DCAF12: variants seen among roughly 807,000 people sequenced by gnomAD.
The protein encoded by DCAF12 is DDB1- and CUL4-associated factor 12.
In DCAF12, 28 loss-of-function variants were observed where a neutral mutation model predicts 52.8. The observed-to-expected ratio is 0.53, with a 90% CI of 0.39 to 0.73. The LOEUF is 0.73. DCAF12 is among the 30% of genes least tolerant of loss of function. The pLI, the probability that DCAF12 is intolerant of heterozygous loss-of-function variation, is 0.00. For synonymous variants in DCAF12, 196 were observed against 215.5 expected (o/e 0.91, Z 0.79); for missense variants, 425 against 552.2 (o/e 0.77, Z 2.31).
intron 7 of DCAF12, among the ~76,000 whole-genome samples, chr9:34,091,774 A>C (rs1251549413): frequency 6.6e-6 from 1 of 152,142 alleles, no homozygotes; most frequent in Non-Finnish European, 1.5e-5. Context: ...GACTCTCAGG[A>C]TAACACAGCC....
chr9:34,106,450 G>A lies in DCAF12; in HGVS notation c.585C>T (p.Asp195=). ...DWIFSIAWIS[D]TMAVSGSRDG... ...CAACTTTACCAGACACTGCCATAGT[G>A]TCGCTGATCCATGCGATGGAAAAGA... The change falls in exon 4 of 9, where the codon GAC becomes GAT. Residue 195 remains aspartate (D), a synonymous_variant. Coordinates refer to ENST00000361264, the MANE Select transcript of DCAF12 (RefSeq NM_015397.4). The A allele has an allele frequency of 1.2e-6, 2 of 1,609,876 alleles. No homozygotes were observed. Among genetic ancestry groups the A allele is most frequent in the Non-Finnish European group, 1.7e-6 (2 of 1,177,514 alleles).
In DCAF12 at chr9:34,086,817, A is replaced by G. The variant is rs1037817707; in HGVS notation, c.*1533T>C. 9 of 152,044 alleles carry G rather than the reference A, an allele frequency of 5.9e-5. No individual in the cohort carries two copies. The highest frequency in any genetic ancestry group is 1.3e-4 in the Non-Finnish European group (9 of 68,004). The allele number at this position is 152,044 out of a possible 1,614,324, so 9.4% of individuals were successfully genotyped here. Reference sequence around the variant, plus strand: ...GAATATATATATAATTTTTTTTCCAATTTCCCTTCTTACACCCAGAGAAGA... The same window carrying G: ...GAATATATATATAATTTTTTTTCCAGTTTCCCTTCTTACACCCAGAGAAGA... On this transcript the variant is annotated 3_prime_UTR_variant, in exon 9 of 9. Transcript: ENST00000361264.
intron 2 of DCAF12, among the ~76,000 whole-genome samples, chr9:34,110,956 T>C (rs1286277181): frequency 6.6e-6 from 1 of 151,640 alleles, no homozygotes; most frequent in Non-Finnish European, 1.5e-5. Flanking sequence ...CTGTTCACAA[T>C]GCCAGAAATG....
intron 2 of DCAF12, among the ~76,000 whole-genome samples, chr9:34,118,973 AAAT>A (rs143135409): frequency 7.2e-5 from 11 of 152,084 alleles, no homozygotes; most frequent in African/African-American, 2.7e-4. Flanking sequence ...TCAAAAAAGA[AAAT>A]AATAATAATA....
chr9:34,115,339 C>T (rs886804019), intron 2 of DCAF12, among the ~76,000 whole-genome samples: 8 of 151,628 alleles, frequency 5.3e-5, no homozygotes, highest in Non-Finnish European at 7.4e-5. Flanking sequence ...CACCTGTAAT[C>T]CCAGCACTTT....
intron 2 of DCAF12, among the ~76,000 whole-genome samples, chr9:34,117,868 C>T (rs1424879935): frequency 1.3e-5 from 2 of 152,046 alleles, no homozygotes. Flanking sequence ...GAGCCGAGAT[C>T]GCGCCATCAC....
At chr9:34,090,317 C>T (rs1467962457) in intron 7 of DCAF12, among the ~76,000 whole-genome samples, 3 of 151,838 alleles carry the variant, frequency 2.0e-5, no homozygotes, top group African/African-American at 7.3e-5. Flanking sequence ...ACCTTGGCCT[C>T]CCAAAGTGCT....
At position 34,125,091 on chromosome 9, in the gene DCAF12, G is replaced by A. The variant is rs189407152; in HGVS notation, c.265C>T (p.Leu89Phe). 3.1e-6 allele frequency: 5 copies of A among 1,614,048 alleles called. No individual in the cohort carries two copies. In the African/African-American group the frequency reaches 4.0e-5, roughly 13 times the overall value. ...CACTGAGATGCAAACACTTTATTAA[G>A]GGTCCCAAGGTGAAACTCTCTCTCC... The part of the protein sequence containing the change: ...LKEREFHLGT[L>F]NKVFASQWLN... The change falls in exon 2 of 9, where the codon CTT (leucine) becomes TTT (phenylalanine). Residue 89 changes from leucine to phenylalanine, a missense_variant. Physicochemically the swap from Leu to Phe is conservative, Grantham distance 22. Coordinates refer to ENST00000361264, the MANE Select transcript of DCAF12 (RefSeq NM_015397.4).
At chr9:34,124,644 C>T (rs1174278063) in intron 2 of DCAF12, among the ~76,000 whole-genome samples, 2 of 152,192 alleles carry the variant, frequency 1.3e-5, no homozygotes, top group Non-Finnish European at 2.9e-5. Flanking sequence ...CGTTCTTAGG[C>T]TGTTTTCACT....
intron 3 of DCAF12, 83 bp from the exon 4 acceptor site, chr9:34,106,577 C>T: frequency 1.8e-6 from 2 of 1,138,992 alleles, no homozygotes; most frequent in African/African-American, 1.5e-5. Flanking sequence ...TCTAAAGAAG[C>T]ATACAAGTCA....
intron 7 of DCAF12, among the ~76,000 whole-genome samples, chr9:34,092,877 C>T (rs751083476): frequency 2.6e-5 from 4 of 152,002 alleles, no homozygotes; most frequent in Non-Finnish European, 4.4e-5. Flanking sequence ...CAGAATTTCG[C>T]GCTCATTGCC....
At chr9:34,109,979 T>A in intron 2 of DCAF12, 1 of 150,860 alleles carries the variant, frequency 6.6e-6, no homozygotes, top group East Asian at 1.9e-4. Context: ...GATACATATA[T>A]AAATATTTAA....
At chr9:34,095,041 G>A (rs1828713455) in intron 6 of DCAF12, among the ~76,000 whole-genome samples, 1 of 151,906 alleles carries the variant, frequency 6.6e-6, no homozygotes, top group African/African-American at 2.4e-5. Context: ...TTTTCCATTT[G>A]TGGCATTGTG....
chr9:34,099,072 C>CTT (rs574114455), intron 4 of DCAF12, among the ~76,000 whole-genome samples: 16 of 116,372 alleles, frequency 1.4e-4, no homozygotes, highest in South Asian at 2.8e-4. Flanking sequence ...ACCTGGTCTG[C>CTT]TTTTTTTTTT....
rs1828594133 is a variant in DCAF12, at chr9:34,088,455, A to T, written c.1257T>A (p.Asn419Lys). 1 of 1,614,226 alleles carries T rather than the reference A, an allele frequency of 6.2e-7. No homozygotes were observed. The highest frequency in any genetic ancestry group is 2.2e-5 in the East Asian group (1 of 44,888). Residue 419 changes from asparagine (N) to lysine (K), a missense_variant, in exon 9 of 9, where the codon AAT (asparagine) becomes AAA (lysine). By Grantham distance (94) the Asn-to-Lys change is moderately conservative (BLOSUM62 0). This residue lies in a region of DCAF12 where 328 missense variants were observed against 444.4 expected (regional missense o/e 0.74). Coordinates refer to ENST00000361264, the MANE Select transcript of DCAF12 (RefSeq NM_015397.4). Reference sequence around the variant, plus strand: ...AGTCGTAGCAGTGGGTGTAAACAGCATTGGGGAAGAAGTCAATGTCTGAAA... The same window carrying T: ...AGTCGTAGCAGTGGGTGTAAACAGCTTTGGGGAAGAAGTCAATGTCTGAAA... ...NYFSDIDFFP[N>K]AVYTHCYDSS...
intron 6 of DCAF12, among the ~76,000 whole-genome samples, chr9:34,094,671 C>T (rs1828704887): frequency 6.6e-6 from 1 of 151,676 alleles, no homozygotes; most frequent in African/African-American, 2.4e-5. Flanking sequence ...GCTGGGACTA[C>T]AAGCGCCCAC....
chr9:34,118,786 A>T (rs1829125690), intron 2 of DCAF12, among the ~76,000 whole-genome samples: 1 of 151,680 alleles, frequency 6.6e-6, no homozygotes, highest in Non-Finnish European at 1.5e-5. Flanking sequence ...CAATATGGCA[A>T]GACCCCATCT....
rs7030120 is a variant in DCAF12 at position 34,115,433 on chromosome 9, T to C, written c.334-7868A>G. ...GGTGAAACCCCGTCTCTACTAAAAA[T>C]ACAAAAAATTAGCCGGGCGGCTGGG... is the stretch of plus-strand genomic sequence containing the variant. On this transcript the variant is annotated intron_variant, in intron 2 of 8. Transcript: ENST00000361264. Among the ~76,000 whole-genome samples the C allele has an allele frequency of 6.1e-5, 2 of 32,946 alleles. 1 individual carries two copies. The highest frequency in any genetic ancestry group is 1.9e-4 in the African/African-American group (2 of 10,358). The allele number at this position is 32,946 out of a possible 152,430, so 21.6% of individuals were successfully genotyped here.
intron 1 of DCAF12, chr9:34,125,683 A>C: frequency 2.3e-6 from 1 of 433,298 alleles, no homozygotes; most frequent in Non-Finnish European, 4.9e-6. Flanking sequence ...GATACAGTCC[A>C]AGGAGCCAGA....
Sources: allele counts gnomAD v4.1 joint callset (sites outside exome capture counted in the v4.1 genomes callset), GRCh38; gene constraint gnomAD v4.1.1; regional missense constraint gnomAD v4.1.1; transcripts MANE v1.5; gene names NCBI Gene and HGNC (gene_info 2026-07-23, HGNC 2026-07-21).